The following RBFOX1 variants were observed in gnomAD, a reference collection of about 807,000 sequenced individuals.
RBFOX1 encodes RNA binding fox-1 homolog 1.
In RBFOX1, 8 loss-of-function variants were observed where a neutral mutation model predicts 57.7. That is an observed-to-expected ratio of 0.14 (90% CI 0.08 to 0.25). The LOEUF (loss-of-function observed/expected upper bound fraction) is 0.25. Among genes scored for constraint, RBFOX1 ranks in the 10% least tolerant of loss-of-function variants. RBFOX1 has a pLI of 1.00. For missense variants in RBFOX1, 611 were observed against 548.5 expected, an observed-to-expected ratio of 1.11 and a Z score of -1.14; for synonymous variants, 326 against 222.4, an observed-to-expected ratio of 1.47 and a Z score of -4.15.
At chr16:7,038,327 C>T (rs1261529014) in intron 3 of RBFOX1, among the ~76,000 whole-genome samples, 1 of 152,104 alleles carries the variant, frequency 6.6e-6, no homozygotes, top group Non-Finnish European at 1.5e-5. Context: ...GCAATTATAA[C>T]CCTTGATCAT....
At chr16:7,609,469 C>T (rs955730149) in intron 10 of RBFOX1, among the ~76,000 whole-genome samples, 4 of 152,150 alleles carry the variant, frequency 2.6e-5, no homozygotes, top group African/African-American at 9.7e-5. Flanking sequence ...AGAATAAATT[C>T]ATCTGCATGA....
chr16:5,815,219 C>G (rs578212942), intron 3 of RBFOX1, among the ~76,000 whole-genome samples: 1 of 141,542 alleles, frequency 7.1e-6, no homozygotes, highest in Non-Finnish European at 1.5e-5. Context: ...GCCTCAAACT[C>G]CTGAGCTCAA....
chr16:7,671,747 TCTC>T (rs762485779), intron 13 of RBFOX1: 65 of 725,644 alleles, frequency 9.0e-5, no homozygotes, highest in Non-Finnish European at 1.5e-4. Context: ...TAATATGAAA[TCTC>T]CTAGAATAGA....
rs552751349 is a variant in RBFOX1 at position 6,789,664 on chromosome 16, T to C, written c.-16+135014T>C. 6.6e-5 allele frequency among the ~76,000 whole-genome samples: 10 copies of C among 152,320 alleles called. No homozygotes were observed. The East Asian group carries it at 1.7e-3, about 26-fold the overall frequency. ...TGTGTGCATTGGTGTGAGTTGTCTG[T>C]TTCTTTTGCCCATTTTCATCCTTTT... On this transcript the variant is annotated intron_variant, in intron 3 of 15. Coordinates refer to ENST00000550418, the MANE Select transcript of RBFOX1 (RefSeq NM_018723.4).
chr16:5,270,841 G>T (rs547965447), intron 1 of RBFOX1: 93 of 425,154 alleles, frequency 2.2e-4, no homozygotes, highest in Middle Eastern at 7.1e-4. Context: ...TGGTTTGAAA[G>T]GCATGGAGCT....
At chr16:6,480,884 T>C (rs1339644349) in intron 2 of RBFOX1, among the ~76,000 whole-genome samples, 1 of 152,218 alleles carries the variant, frequency 6.6e-6, no homozygotes, top group Non-Finnish European at 1.5e-5. Flanking sequence ...TTCTTTTCAC[T>C]GCTATATGGT....
At chr16:7,629,279 T>C (rs1358494219) in intron 10 of RBFOX1, among the ~76,000 whole-genome samples, 2 of 152,202 alleles carry the variant, frequency 1.3e-5, no homozygotes, top group African/African-American at 4.8e-5. Flanking sequence ...GCAGTCCCTC[T>C]GTGTGGCAGG....
At chr16:7,084,234 C>A (rs1416920197) in intron 4 of RBFOX1, among the ~76,000 whole-genome samples, 1 of 151,654 alleles carries the variant, frequency 6.6e-6, no homozygotes, top group Non-Finnish European at 1.5e-5. Context: ...GTCAAATGGA[C>A]TATATATGTA....
chr16:7,515,209 T>C lies in RBFOX1; in HGVS notation c.28-2938T>C, dbSNP rs147461179. The stretch of plus-strand genomic sequence containing the variant: ...TTTCTGTACAGAAGGATATGTTCCT[T>C]GAACAGCCCAGAAAAAGAAAAGATG... On this transcript the variant is annotated intron_variant, in intron 4 of 15. Transcript: ENST00000550418. Among the ~76,000 whole-genome samples the C allele has an allele frequency of 6.6e-5, 10 of 152,096 alleles. No homozygotes were observed. The East Asian group carries it at 1.5e-3, about 24-fold the overall frequency.
chr16:6,234,283 C>G (rs997926899), intron 1 of RBFOX1, among the ~76,000 whole-genome samples: 2 of 152,134 alleles, frequency 1.3e-5, no homozygotes, highest in African/African-American at 4.8e-5. Context: ...TAAATTTCCC[C>G]TGTGTTATCT....
chr16:5,586,867 A>T (rs1260828869), intron 2 of RBFOX1, among the ~76,000 whole-genome samples: 1 of 152,218 alleles, frequency 6.6e-6, no homozygotes, highest in Non-Finnish European at 1.5e-5. Flanking sequence ...TTGGACCAGG[A>T]CAGTATCCTT....
chr16:6,221,995 C>T lies in RBFOX1; in HGVS notation c.-126-95000C>T, dbSNP rs12918003. ...TATCATAAGGGAAGCAGTGGTCCTT[C>T]TTCATGTTTCCTCATGTCACTTTTT... is the stretch of plus-strand genomic sequence containing the variant. On this transcript the variant is annotated intron_variant, in intron 1 of 15. Transcript: ENST00000550418. 8.8e-4 allele frequency among the ~76,000 whole-genome samples: 134 copies of T among 152,250 alleles called. 1 individual carries two copies. Among genetic ancestry groups the T allele is most frequent in the African/African-American group, 3.1e-3 (128 of 41,540 alleles).
chr16:6,935,620 G>A (rs757455539), intron 3 of RBFOX1, among the ~76,000 whole-genome samples: 8 of 152,284 alleles, frequency 5.3e-5, no homozygotes, highest in African/African-American at 9.6e-5. Flanking sequence ...GTACACACAA[G>A]CACACGCTCC....
chr16:6,871,264 T>C (rs2060823400), intron 3 of RBFOX1, among the ~76,000 whole-genome samples: 1 of 152,172 alleles, frequency 6.6e-6, no homozygotes, highest in African/African-American at 2.4e-5. Flanking sequence ...CGGCTCACTC[T>C]AACCTCCCCC....
At chr16:7,285,557 A>C (rs1419701521) in intron 4 of RBFOX1, among the ~76,000 whole-genome samples, 1 of 151,638 alleles carries the variant, frequency 6.6e-6, no homozygotes, top group East Asian at 1.9e-4. Context: ...CCCACTCCCA[A>C]TTCCTAATTT....
At chr16:7,246,659 T>C (rs747092640) in intron 4 of RBFOX1, among the ~76,000 whole-genome samples, 12 of 133,240 alleles carry the variant, frequency 9.0e-5, no homozygotes, top group Non-Finnish European at 1.9e-4. Context: ...TTTTTTTTAC[T>C]GAGTTTGAAT....
chr16:6,177,922 T>TAA (rs57642754), intron 1 of RBFOX1, among the ~76,000 whole-genome samples: 10,628 of 139,946 alleles, frequency 0.076, 575 homozygotes, highest in African/African-American at 0.14. Flanking sequence ...TCAGTGGGGG[T>TAA]AAAAAAAAAA....
intron 4 of RBFOX1, among the ~76,000 whole-genome samples, chr16:5,925,650 T>C (rs2058924520): frequency 6.6e-6 from 1 of 152,060 alleles, no homozygotes; most frequent in Non-Finnish European, 1.5e-5. Context: ...TTTTATGTTA[T>C]GTGTATTTTA....
At chr16:5,355,452 G>A (rs968422472) in intron 1 of RBFOX1, among the ~76,000 whole-genome samples, 2 of 152,314 alleles carry the variant, frequency 1.3e-5, no homozygotes, top group South Asian at 2.1e-4. Flanking sequence ...CAAGGTCAAT[G>A]TCTGGGTCAG....
Sources: allele counts gnomAD v4.1 joint callset (sites outside exome capture counted in the v4.1 genomes callset), GRCh38; gene constraint gnomAD v4.1.1; transcripts MANE v1.5; gene names NCBI Gene and HGNC (gene_info 2026-07-23, HGNC 2026-07-21).